Variants in ATXN2 observed in about 807,000 individuals in gnomAD.
ATXN2 encodes the protein ataxin 2, also known as ataxin-2.
A neutral mutation model predicts 138.6 loss-of-function variants in ATXN2; 37 were observed. That is an observed-to-expected ratio of 0.27 (90% confidence interval 0.21 to 0.35). The LOEUF is 0.35. ATXN2 is among the 10% of genes least tolerant of loss of function. ATXN2 has a pLI of 1.00. For synonymous variants in ATXN2, 549 were observed against 543.7 expected (o/e 1.01, Z -0.13); for missense variants, 1,216 against 1,480.3 (o/e 0.82, Z 2.93).
Position 111,470,285 on chromosome 12 carries a change from T to C in ATXN2, c.2710-45A>G. ...AAAGAAAGCACATTAACACTGCAAA[T>C]AGAGCCAAGCAGACTTTAGTTAAGA... On this transcript the variant is annotated intron_variant, in intron 19 of 24. Transcript: ENST00000673436. 2 of 1,594,758 alleles carry C rather than the reference T, an allele frequency of 1.3e-6. 1 individual carries two copies. Among genetic ancestry groups the C allele is most frequent in the South Asian group, 2.3e-5 (2 of 88,834 alleles).
rs746918429 is a variant in ATXN2, at chr12:111,599,005, C to T, written c.30G>A (p.Gln10=). 32 of 1,503,868 alleles carry T rather than the reference C, an allele frequency of 2.1e-5. No homozygotes were observed. The highest frequency in any genetic ancestry group is 1.3e-4 in the African/African-American group (9 of 69,406). The allele number at this position is 1,503,868 out of a possible 1,614,324, so 93.2% of individuals were successfully genotyped here. Residue 10 remains glutamine, a synonymous_variant, in exon 1 of 25, where the codon CAG becomes CAA. Transcript: ENST00000673436. MSLKPQQQQ[Q]QQQQQQQQQQ... is the part of the protein sequence containing the mutation. ...GCTGCTGCTGCTGCTGCTGCTGCTG[C>T]TGCTGCTGCTGCTGGGGCTTCAGCG...
At chr12:111,457,381 C>A in intron 21 of ATXN2, 22 bp from the exon 22 acceptor site, 1 of 1,596,184 alleles carries the variant, frequency 6.3e-7, no homozygotes, top group South Asian at 1.1e-5. Context: ...GAAAAAGGAG[C>A]ATGTACACAA....
chr12:111,582,498 C>G (rs984952338), intron 1 of ATXN2, among the ~76,000 whole-genome samples: 6 of 151,858 alleles, frequency 4.0e-5, no homozygotes, highest in Non-Finnish European at 8.8e-5. Flanking sequence ...GTCCCAGCTA[C>G]TCAGGAGGCT....
At chr12:111,480,199 T>C (rs1877130701) in intron 18 of ATXN2, among the ~76,000 whole-genome samples, 2 of 152,190 alleles carry the variant, frequency 1.3e-5, no homozygotes, top group South Asian at 2.1e-4. Flanking sequence ...TGAGCAAATA[T>C]ATTTGTCAAA....
At chr12:111,525,992 A>G (rs986067966) in intron 5 of ATXN2, among the ~76,000 whole-genome samples, 1 of 151,848 alleles carries the variant, frequency 6.6e-6, no homozygotes, top group Non-Finnish European at 1.5e-5. Flanking sequence ...CACATGAAGC[A>G]TATTTTAATA....
chr12:111,500,744 G>A (rs1335700311), intron 14 of ATXN2, among the ~76,000 whole-genome samples: 2 of 152,130 alleles, frequency 1.3e-5, no homozygotes, highest in African/African-American at 4.8e-5. Flanking sequence ...GTGGTGGCAC[G>A]TGCCTGTAGT....
At position 111,552,242 on chromosome 12, in the gene ATXN2, AAT is replaced by A; in HGVS notation, c.571+36_571+37del. ...TGAAAATCTTTGCTTGAATAAATCT[AAT>A]AAACCATGAGGCATATTTAGGAAAT... On this transcript the variant is annotated intron_variant, in intron 5 of 24. Coordinates refer to ENST00000673436, the MANE Select transcript of ATXN2 (RefSeq NM_001372574.1). This position sits in a 1 kb window ranked among gnomAD's most constrained non-coding sequence, Gnocchi z 4.1. The A allele has an allele frequency of 6.5e-7, 1 of 1,536,510 alleles. No homozygotes were observed. Among genetic ancestry groups the A allele is most frequent in the South Asian group, 1.3e-5 (1 of 79,902 alleles).
chr12:111,576,703 T>C (rs1883671889), intron 1 of ATXN2, among the ~76,000 whole-genome samples: 1 of 151,788 alleles, frequency 6.6e-6, no homozygotes, highest in African/African-American at 2.4e-5. Flanking sequence ...CTCACGCCTG[T>C]AATCCCAGAA....
intron 1 of ATXN2, among the ~76,000 whole-genome samples, chr12:111,584,687 C>T (rs1239685100): frequency 2.0e-5 from 3 of 151,892 alleles, no homozygotes; most frequent in Middle Eastern, 3.4e-3. Context: ...AAAATTAGGC[C>T]GGGCACAGGG....
chr12:111,463,916 A>G (rs1875780518), intron 21 of ATXN2, among the ~76,000 whole-genome samples: 1 of 152,064 alleles, frequency 6.6e-6, no homozygotes, highest in South Asian at 2.1e-4. Flanking sequence ...CCTCCCTAGT[A>G]GCTGAGATTA....
chr12:111,488,857 G>A (rs1050189607), intron 14 of ATXN2, 77 bp from the exon 15 acceptor site: 53 of 1,210,884 alleles, frequency 4.4e-5, no homozygotes, highest in East Asian at 2.0e-4. Flanking sequence ...CACAAGCTAC[G>A]TAATATTAAC....
intron 1 of ATXN2, among the ~76,000 whole-genome samples, chr12:111,558,437 C>G (rs931345441): frequency 6.6e-6 from 1 of 152,144 alleles, no homozygotes; most frequent in African/African-American, 2.4e-5. Context: ...ATCCAGGACT[C>G]TATGCTTTTA....
intron 1 of ATXN2, among the ~76,000 whole-genome samples, chr12:111,587,909 C>T (rs929055805): frequency 6.6e-6 from 1 of 152,036 alleles, no homozygotes; most frequent in South Asian, 2.1e-4. Context: ...CTGACATTTT[C>T]GGGCTGGACA....
At chr12:111,455,952 G>C in intron 23 of ATXN2, 77 bp downstream of exon 23, 1 of 1,377,394 alleles carries the variant, frequency 7.3e-7, no homozygotes, top group Non-Finnish European at 1.0e-6. Flanking sequence ...TCCTAGCTGG[G>C]AGAGCCTCTA....
intron 1 of ATXN2, among the ~76,000 whole-genome samples, chr12:111,589,735 G>A (rs1412540626): frequency 6.6e-6 from 1 of 152,052 alleles, no homozygotes; most frequent in East Asian, 1.9e-4. Flanking sequence ...TCCTGCCACT[G>A]CACCCCACCC....
intron 20 of ATXN2, chr12:111,469,640 A>T (rs1876265058): frequency 6.2e-6 from 1 of 160,514 alleles, no homozygotes; most frequent in Admixed American, 6.4e-5. Context: ...AAAATACAGC[A>T]TGATGTAGAA....
At chr12:111,503,485 C>T (rs368679711) in intron 14 of ATXN2, among the ~76,000 whole-genome samples, 9 of 151,888 alleles carry the variant, frequency 5.9e-5, no homozygotes, top group South Asian at 2.1e-4. Context: ...ACAGGAAATA[C>T]GCAATAAAAC....
chr12:111,537,067 G>A (rs1474586851), intron 5 of ATXN2, among the ~76,000 whole-genome samples: 1 of 151,922 alleles, frequency 6.6e-6, no homozygotes, highest in African/African-American at 2.4e-5. Context: ...ACAGAGGCAT[G>A]AGCCACCACA....
intron 5 of ATXN2, among the ~76,000 whole-genome samples, chr12:111,535,389 C>A (rs1463386984): frequency 6.6e-6 from 1 of 151,874 alleles, no homozygotes; most frequent in Non-Finnish European, 1.5e-5. Context: ...ATTTGGGAGC[C>A]CAAGGCAGGT....
Sources: allele counts gnomAD v4.1 joint callset (sites outside exome capture counted in the v4.1 genomes callset), GRCh38; gene constraint gnomAD v4.1.1; non-coding constraint Gnocchi (gnomAD v3.1); transcripts MANE v1.5; gene names NCBI Gene and HGNC (gene_info 2026-07-23, HGNC 2026-07-21).